The following CAMTA1 variants were observed in gnomAD, a reference collection of about 807,000 sequenced individuals.
CAMTA1 encodes calmodulin-binding transcription activator 1.
A neutral mutation model predicts 170.9 loss-of-function variants in CAMTA1; 27 were observed. The observed-to-expected ratio is 0.16, with a 90% CI of 0.12 to 0.22. The LOEUF (loss-of-function observed/expected upper bound fraction) is 0.22, where lower values mean the gene tolerates loss of function less well. CAMTA1 is among the 10% of genes least tolerant of loss of function. The probability of loss-of-function intolerance (pLI) is 1.00; values close to 1 mark genes in which losing one functional copy is unlikely to be tolerated. For missense variants in CAMTA1, 1,619 were observed against 2,217.2 expected, an observed-to-expected ratio of 0.73 and a Z score of 5.42; for synonymous variants, 833 against 891.5, an observed-to-expected ratio of 0.93 and a Z score of 1.17.
intron 11 of CAMTA1, among the ~76,000 whole-genome samples, chr1:7,728,322 G>GCACTGCAGCA (rs1311192753): frequency 6.6e-6 from 1 of 152,232 alleles, no homozygotes; most frequent in Non-Finnish European, 1.5e-5. Flanking sequence ...TGCGGGGACC[G>GCACTGCAGCA]CACTGCAGCA....
At position 6,813,629 on chromosome 1, in the gene CAMTA1, A is replaced by T. The variant is rs543564754; in HGVS notation, c.46-6552A>T. 6.6e-5 allele frequency among the ~76,000 whole-genome samples: 10 copies of T among 152,006 alleles called. No homozygotes were observed. In the South Asian group the frequency reaches 1.0e-3, roughly 16 times the overall value. On this transcript the variant is annotated intron_variant, in intron 1 of 22. Transcript: ENST00000303635. ...TATTTACAGTTTTTTCTTTTTAAAA[A>T]TTTTTTTTAGAGATGGGGTCCTGCT... is the stretch of plus-strand genomic sequence containing the variant.
chr1:7,647,239 T>C (rs942035389), intron 7 of CAMTA1, among the ~76,000 whole-genome samples: 8 of 149,404 alleles, frequency 5.4e-5, no homozygotes, highest in African/African-American at 2.0e-4. Context: ...GCGCCTTTTG[T>C]TTTCTCATAA....
chr1:7,534,691 C>T lies in CAMTA1; in HGVS notation c.510+66790C>T, dbSNP rs1319359018. ...TTCGGGCCGAGGGGAGCTGAGGCCA[C>T]GGCGGGGACTCCTCACTCCTCCTTC... On this transcript the variant is annotated intron_variant, in intron 6 of 22. Coordinates refer to ENST00000303635, the MANE Select transcript of CAMTA1 (RefSeq NM_015215.4). The surrounding 1 kb of genome is among the most constrained non-coding windows in gnomAD (Gnocchi z 5.6). 2.6e-5 allele frequency among the ~76,000 whole-genome samples: 4 copies of T among 152,146 alleles called. No individual in the cohort carries two copies. Among genetic ancestry groups the T allele is most frequent in the Non-Finnish European group, 5.9e-5 (4 of 68,034 alleles).
chr1:7,353,309 C>G (rs553762158), intron 5 of CAMTA1, among the ~76,000 whole-genome samples: 2 of 152,190 alleles, frequency 1.3e-5, no homozygotes, highest in Non-Finnish European at 2.9e-5. Context: ...CAACTCTAAC[C>G]TCTCACCTGA....
At chr1:6,812,716 T>A (rs1176439525) in intron 1 of CAMTA1, among the ~76,000 whole-genome samples, 1 of 152,080 alleles carries the variant, frequency 6.6e-6, no homozygotes, top group Non-Finnish European at 1.5e-5. Flanking sequence ...AAGAATAATT[T>A]AAAAAAAACT....
rs1004117334 is a variant in CAMTA1, at chr1:6,996,330, T to G, written c.235-94974T>G. Among the ~76,000 whole-genome samples the G allele has an allele frequency of 2.6e-5, 4 of 152,248 alleles. No homozygotes were observed. The South Asian group carries it at 8.3e-4, about 32-fold the overall frequency. On this transcript the variant is annotated intron_variant, in intron 3 of 22. Coordinates refer to ENST00000303635, the MANE Select transcript of CAMTA1 (RefSeq NM_015215.4). ...TTCTGTTACGCTATTCAGAATAATA[T>G]TGAGTTTTTGTTTTAGCAGATACTT...
At chr1:6,905,476 C>A (rs972575395) in intron 3 of CAMTA1, among the ~76,000 whole-genome samples, 1 of 151,674 alleles carries the variant, frequency 6.6e-6, no homozygotes, top group African/African-American at 2.4e-5. Flanking sequence ...ATTACAGGCG[C>A]GAGCCACTAT....
At chr1:7,392,356 A>G (rs2088815319) in intron 5 of CAMTA1, among the ~76,000 whole-genome samples, 1 of 151,170 alleles carries the variant, frequency 6.6e-6, no homozygotes, top group East Asian at 2.0e-4. Context: ...CCCAGGTTCA[A>G]GTGATTCTCC....
At position 7,333,877 on chromosome 1, in the gene CAMTA1, AT is replaced by A. The variant is rs1006358075; in HGVS notation, c.438+84260del. Among the ~76,000 whole-genome samples, 1 of 151,876 alleles carries A rather than the reference AT, an allele frequency of 6.6e-6. No homozygotes were observed. Among genetic ancestry groups the A allele is most frequent in the African/African-American group, 2.4e-5 (1 of 41,418 alleles). ...ATGGGCATTCCAGTGAAATGGAGGA[AT>A]TTTTTTTTATTACTTACATTTATCA... is the stretch of plus-strand genomic sequence containing the variant. On this transcript the variant is annotated intron_variant, in intron 5 of 22. Coordinates refer to ENST00000303635, the MANE Select transcript of CAMTA1 (RefSeq NM_015215.4). This position sits in a 1 kb window ranked among gnomAD's most constrained non-coding sequence, Gnocchi z 4.4.
At chr1:6,961,317 G>C (rs1361271544) in intron 3 of CAMTA1, among the ~76,000 whole-genome samples, 1 of 152,236 alleles carries the variant, frequency 6.6e-6, no homozygotes, top group Non-Finnish European at 1.5e-5. Flanking sequence ...GGGGAGGCCA[G>C]AGGGACTGAC....
chr1:7,573,729 C>T (rs889361014), intron 6 of CAMTA1, among the ~76,000 whole-genome samples: 3 of 152,166 alleles, frequency 2.0e-5, no homozygotes, highest in African/African-American at 7.2e-5. Context: ...GCATCTAGGA[C>T]CACTCTACCG....
chr1:7,198,339 C>T (rs1252680312), intron 4 of CAMTA1, among the ~76,000 whole-genome samples: 2 of 152,036 alleles, frequency 1.3e-5, no homozygotes. Context: ...CCCCTACCCC[C>T]GACCTGTCAC....
At chr1:6,937,496 TCACCACTTACTACCACTATCATC>T (rs1685585469) in intron 3 of CAMTA1, among the ~76,000 whole-genome samples, 2 of 73,448 alleles carry the variant, frequency 2.7e-5, no homozygotes, top group African/African-American at 6.5e-5. Context: ...CCATCATCAT[TCACCACTTACTACCACTATCATC>T]ACCATCACCA....
chr1:6,802,323 C>T (rs1480881118), intron 1 of CAMTA1, among the ~76,000 whole-genome samples: 1 of 152,162 alleles, frequency 6.6e-6, no homozygotes, highest in Non-Finnish European at 1.5e-5. Flanking sequence ...TGGCTCAGTA[C>T]AAAAATATTC....
intron 3 of CAMTA1, among the ~76,000 whole-genome samples, chr1:6,946,651 T>C (rs1247840692): frequency 6.6e-6 from 1 of 152,236 alleles, no homozygotes; most frequent in African/African-American, 2.4e-5. Flanking sequence ...TTTGCCAATT[T>C]TAAAATAGTA....
rs79167766 is a variant in CAMTA1 at position 6,804,896 on chromosome 1, A to G, written c.46-15285A>G. Among the ~76,000 whole-genome samples, 579 of 152,188 alleles carry G rather than the reference A, an allele frequency of 3.8e-3. 5 individuals are homozygous for G. The highest frequency in any genetic ancestry group is 0.013 in the African/African-American group (540 of 41,508). On this transcript the variant is annotated intron_variant, in intron 1 of 22. Coordinates refer to ENST00000303635, the MANE Select transcript of CAMTA1 (RefSeq NM_015215.4). ...TTTTGAATAATCCTCTGTTGTGTGG[A>G]TATATACCACATTTTGTTTATCCAT...
chr1:7,066,303 A>G (rs1708951580), intron 3 of CAMTA1, among the ~76,000 whole-genome samples: 1 of 152,170 alleles, frequency 6.6e-6, no homozygotes, highest in South Asian at 2.1e-4. Flanking sequence ...TCCCACCCTC[A>G]GTGTCTCATC....
At chr1:7,257,079 G>GA (rs769828715) in intron 5 of CAMTA1, among the ~76,000 whole-genome samples, 3 of 150,214 alleles carry the variant, frequency 2.0e-5, no homozygotes, top group Non-Finnish European at 4.4e-5. Flanking sequence ...CGCATGGCGG[G>GA]GGCGGGGGTT....
At chr1:7,381,670 A>T (rs1187344547) in intron 5 of CAMTA1, among the ~76,000 whole-genome samples, 202 of 147,800 alleles carry the variant, frequency 1.4e-3, no homozygotes, top group Admixed American at 2.7e-3. Flanking sequence ...GTATATACCC[A>T]GTAATGGGAT....
Sources: gnomAD v4.1 joint callset for allele counts (sites outside exome capture counted in the v4.1 genomes callset) on GRCh38, gnomAD v4.1.1 for gene constraint, Gnocchi (gnomAD v3.1) non-coding constraint, MANE v1.5 for transcripts, NCBI Gene and HGNC (gene_info 2026-07-23, HGNC 2026-07-21) for gene names.